Variants in TRAK1 observed in about 807,000 individuals in gnomAD.
TRAK1 encodes the protein trafficking kinesin protein 1.
Under a neutral mutation model 92.1 loss-of-function variants are expected in TRAK1, and 33 were observed. That is an observed-to-expected ratio of 0.36 (90% CI 0.27 to 0.48). The LOEUF (loss-of-function observed/expected upper bound fraction) is 0.48. Among genes scored for constraint, TRAK1 ranks in the 20% least tolerant of loss-of-function variants. The pLI, the probability that TRAK1 is intolerant of heterozygous loss-of-function variation, is 0.99. For synonymous variants in TRAK1, 521 were observed against 517.3 expected (o/e 1.01, Z -0.10); for missense variants, 1,123 against 1,257.9 (o/e 0.89, Z 1.62).
At chr3:42,031,391 T>C (rs9833315) in intron 1 of TRAK1, among the ~76,000 whole-genome samples, 136,055 of 151,642 alleles carry the variant, frequency 0.9, 62,977 homozygotes, top group East Asian at 1. Flanking sequence ...CATGGTGGCT[T>C]ATGCCTGTAA....
upstream of TRAK1, among the ~76,000 whole-genome samples, chr3:42,086,311 C>CTTTTTTT (rs750932535): frequency 0.059 from 8,203 of 140,156 alleles, 856 homozygotes; most frequent in African/African-American, 0.19. Flanking sequence ...CTTTTTCTTT[C>CTTTTTTT]TTTTTTTTTT....
chr3:42,070,322 C>T (rs1203131335), intron 1 of TRAK1, among the ~76,000 whole-genome samples: 1 of 149,024 alleles, frequency 6.7e-6, no homozygotes, highest in East Asian at 1.9e-4. Flanking sequence ...TAATTAATTG[C>T]CAGTTTGACA....
chr3:42,205,491 G>T (rs1456249634), intron 13 of TRAK1, among the ~76,000 whole-genome samples: 1 of 152,184 alleles, frequency 6.6e-6, no homozygotes, highest in East Asian at 1.9e-4. Context: ...GCACTTTCTT[G>T]TCTCTTCATC....
chr3:42,170,699 G>T (rs1702430984), intron 2 of TRAK1, among the ~76,000 whole-genome samples: 1 of 152,110 alleles, frequency 6.6e-6, no homozygotes, highest in South Asian at 2.1e-4. Flanking sequence ...AATTATTGAG[G>T]GGAGGGTGGA....
At chr3:42,213,127 C>T (rs1206320451) in intron 14 of TRAK1, among the ~76,000 whole-genome samples, 1 of 145,770 alleles carries the variant, frequency 6.9e-6, no homozygotes, top group Non-Finnish European at 1.5e-5. Context: ...GGTGCAATCT[C>T]GGCTCACTGC....
In TRAK1 at chr3:42,225,445, T is replaced by G. The variant is rs1422774189; in HGVS notation, c.*1708T>G. The G allele has an allele frequency of 6.6e-6, 1 of 152,226 alleles. No homozygotes were observed. The highest frequency in any genetic ancestry group is 1.5e-5 in the Non-Finnish European group (1 of 68,040). 9.4% of individuals were successfully genotyped at this position (152,226 alleles called of 1,614,324 possible). A position where few individuals can be genotyped will look rare whatever the true frequency, so the allele number is the denominator to read the frequency against. ...TATTGGTTAATTATGTTCTCAGCTC[T>G]CCCTGCTGTTGTATGTGTGCATTCA... On this transcript the variant is annotated 3_prime_UTR_variant, in exon 16 of 16. Coordinates refer to ENST00000327628, the MANE Select transcript of TRAK1 (RefSeq NM_001042646.3).
intron 1 of TRAK1, among the ~76,000 whole-genome samples, chr3:42,066,473 A>G (rs1004793693): frequency 6.6e-5 from 10 of 151,404 alleles, no homozygotes; most frequent in Non-Finnish European, 1.2e-4. Flanking sequence ...CTGGGTGTGG[A>G]CATCGACCCC....
chr3:42,064,719 A>C (rs1703603104), intron 1 of TRAK1, among the ~76,000 whole-genome samples: 1 of 152,174 alleles, frequency 6.6e-6, no homozygotes, highest in Non-Finnish European at 1.5e-5. Flanking sequence ...TTTACCATAG[A>C]ATAGTAAGGG....
chr3:42,120,264 C>A (rs1165091598), intron 1 of TRAK1, among the ~76,000 whole-genome samples: 1 of 152,010 alleles, frequency 6.6e-6, no homozygotes, highest in Non-Finnish European at 1.5e-5. Context: ...AAGCCATGGA[C>A]CTTTGGGCTT....
intron 14 of TRAK1, chr3:42,210,983 C>CA: frequency 1.0e-6 from 1 of 985,432 alleles, no homozygotes; most frequent in Non-Finnish European, 1.2e-6. Context: ...ACCCCAACAG[C>CA]ATGCTCTGTC....
chr3:42,108,883 A>G (rs1269154310), intron 1 of TRAK1, among the ~76,000 whole-genome samples: 1 of 152,138 alleles, frequency 6.6e-6, no homozygotes, highest in East Asian at 1.9e-4. Flanking sequence ...AGCTTTATCT[A>G]TGTGCTTTGC....
chr3:42,142,303 G>C (rs940141896), intron 2 of TRAK1, among the ~76,000 whole-genome samples: 15 of 152,126 alleles, frequency 9.9e-5, no homozygotes, highest in Non-Finnish European at 2.1e-4. Context: ...TTGTGACCTG[G>C]TGTCCCATCC....
chr3:42,210,699 T>A, intron 14 of TRAK1: 2 of 988,438 alleles, frequency 2.0e-6, no homozygotes, highest in Non-Finnish European at 2.4e-6. Context: ...TGTCATTTTC[T>A]TTTCAGCTTA....
chr3:42,026,803 G>A (rs940685348), intron 1 of TRAK1, among the ~76,000 whole-genome samples: 1 of 152,162 alleles, frequency 6.6e-6, no homozygotes, highest in Non-Finnish European at 1.5e-5. Context: ...GGGATTACAG[G>A]CGTGAGCCAC....
chr3:42,199,378 C>T (rs1235419375), intron 11 of TRAK1, 125 bp downstream of exon 11: 1 of 855,046 alleles, frequency 1.2e-6, no homozygotes, highest in African/African-American at 1.7e-5. Flanking sequence ...CTTCCCAGTC[C>T]AGATTAAGGG....
At chr3:42,100,858 A>C (rs6809665) in intron 1 of TRAK1, among the ~76,000 whole-genome samples, 2 of 151,914 alleles carry the variant, frequency 1.3e-5, no homozygotes, top group African/African-American at 4.8e-5. Flanking sequence ...TAGTAGAGAC[A>C]GGGTTTCACC....
chr3:42,135,039 T>C (rs1182358417), intron 2 of TRAK1, among the ~76,000 whole-genome samples: 2 of 152,158 alleles, frequency 1.3e-5, no homozygotes, highest in Non-Finnish European at 2.9e-5. Flanking sequence ...CATGCCTGGC[T>C]GGTTTTTGGG....
intron 1 of TRAK1, among the ~76,000 whole-genome samples, chr3:42,065,757 G>A (rs1703649065): frequency 6.6e-6 from 1 of 151,972 alleles, no homozygotes. Context: ...AGCCTCCCAA[G>A]TATCTGGGAC....
chr3:42,028,201 C>T (rs961477293), intron 1 of TRAK1, among the ~76,000 whole-genome samples: 12 of 152,176 alleles, frequency 7.9e-5, no homozygotes, highest in African/African-American at 2.7e-4. Context: ...AACACCAGGC[C>T]GTGGGCCACG....
Sources: allele counts gnomAD v4.1 joint callset (sites outside exome capture counted in the v4.1 genomes callset), GRCh38; gene constraint gnomAD v4.1.1; transcripts MANE v1.5; gene names NCBI Gene and HGNC (gene_info 2026-07-23, HGNC 2026-07-21).